Variants in STK10 observed in about 807,000 individuals in gnomAD.
STK10 encodes the protein serine/threonine kinase 10, also known as serine/threonine-protein kinase 10.
A neutral mutation model predicts 113.8 loss-of-function variants in STK10; 78 were observed. The observed-to-expected ratio is 0.69, with a 90% confidence interval of 0.57 to 0.83. STK10 has a LOEUF of 0.83. Ranked by LOEUF, STK10 falls within the 40% of genes least tolerant of loss-of-function variation. The probability of loss-of-function intolerance (pLI) is 0.00; values close to 1 mark genes in which losing one functional copy is unlikely to be tolerated. For synonymous variants in STK10, 465 were observed against 494.7 expected (o/e 0.94, Z 0.80); for missense variants, 1,109 against 1,280.1 (o/e 0.87, Z 2.04).
At chr5:172,107,596 T>A (rs1201614089) in intron 5 of STK10, among the ~76,000 whole-genome samples, 184 bp downstream of exon 5, 1 of 152,230 alleles carries the variant, frequency 6.6e-6, no homozygotes, top group African/African-American at 2.4e-5. Context: ...TCCCTAATTT[T>A]ATGGATGAAG....
At chr5:172,130,575 A>T (rs1288435602) in intron 2 of STK10, among the ~76,000 whole-genome samples, 1 of 151,604 alleles carries the variant, frequency 6.6e-6, no homozygotes, top group African/African-American at 2.4e-5. Context: ...TACACCGTGG[A>T]TATGTAACAA....
chr5:172,086,608 C>T (rs769487058), intron 10 of STK10, among the ~76,000 whole-genome samples: 4 of 152,180 alleles, frequency 2.6e-5, no homozygotes, highest in South Asian at 2.1e-4. Flanking sequence ...GTGATAAATG[C>T]TCAGCCACAT....
At chr5:172,061,421 A>G (rs777666676) in intron 13 of STK10, 153 bp from the exon 14 acceptor site, 3 of 1,072,556 alleles carry the variant, frequency 2.8e-6, no homozygotes, top group Non-Finnish European at 3.9e-6. Context: ...GGAGACTTAG[A>G]GACGCATCAA....
In STK10 at chr5:172,082,301, C is replaced by G; in HGVS notation, c.1989+25G>C. 1 of 1,499,400 alleles carries G rather than the reference C, an allele frequency of 6.7e-7. No homozygotes were observed. The highest frequency in any genetic ancestry group is 1.3e-5 in the South Asian group (1 of 74,124). The allele number at this position is 1,499,400 out of a possible 1,614,324, so 92.9% of individuals were successfully genotyped here. On this transcript the variant is annotated intron_variant, in intron 12 of 18. Transcript: ENST00000176763. The surrounding 1 kb of genome is among the most constrained non-coding windows in gnomAD (Gnocchi z 4.3). ...AGGCCCCTAATACTCCGAGATGCCC[C>G]TGCCCCCACTGAGCACATACTCACC...
At chr5:172,130,634 G>A (rs1158659906) in intron 2 of STK10, among the ~76,000 whole-genome samples, 1 of 152,128 alleles carries the variant, frequency 6.6e-6, no homozygotes, top group African/African-American at 2.4e-5. Context: ...CAGAGGAAAA[G>A]ATTGTAAACC....
intron 12 of STK10, among the ~76,000 whole-genome samples, chr5:172,075,999 C>G (rs1426668123): frequency 6.6e-6 from 1 of 151,592 alleles, no homozygotes; most frequent in Non-Finnish European, 1.5e-5. Context: ...TCTCTTCTTT[C>G]AATTCTTGGA....
At position 172,082,394 on chromosome 5, in the gene STK10, G is replaced by T. The variant is rs1007205465; in HGVS notation, c.1921C>A (p.Arg641=). The change falls in exon 12 of 19, where the codon CGG becomes AGG. Residue 641 remains arginine (R), a synonymous_variant. Transcript: ENST00000176763. This position sits in a 1 kb window ranked among gnomAD's most constrained non-coding sequence, Gnocchi z 4.3. The stretch of plus-strand genomic sequence containing the variant: ...TCCCGATCCTGCTCCAGGCGGATCC[G>T]CCTGGCCTCCTCCCGGCGGCGCACG... ...HAVRRREEAR[R]IRLEQDRDYT... is the part of the protein sequence containing the mutation. The T allele has an allele frequency of 1.2e-6, 2 of 1,608,176 alleles. No homozygotes were observed. Among genetic ancestry groups the T allele is most frequent in the African/African-American group, 2.7e-5 (2 of 74,484 alleles).
chr5:172,075,078 G>A (rs991788541), intron 12 of STK10, among the ~76,000 whole-genome samples: 1 of 151,774 alleles, frequency 6.6e-6, no homozygotes, highest in African/African-American at 2.4e-5. Flanking sequence ...CTACTTGGGA[G>A]GCTGAGGTGG....
chr5:172,089,906 T>C (rs1294096599), intron 10 of STK10, among the ~76,000 whole-genome samples: 1 of 151,220 alleles, frequency 6.6e-6, no homozygotes, highest in Non-Finnish European at 1.5e-5. Context: ...GATGGATGGA[T>C]GGAAAGTTGA....
At chr5:172,125,796 C>A (rs1025962973) in intron 3 of STK10, among the ~76,000 whole-genome samples, 1 of 152,068 alleles carries the variant, frequency 6.6e-6, no homozygotes, top group African/African-American at 2.4e-5. Flanking sequence ...GCCTATGAAG[C>A]GCCTTGAAGT....
At chr5:172,119,748 C>T (rs1312117636) in intron 3 of STK10, among the ~76,000 whole-genome samples, 1 of 145,388 alleles carries the variant, frequency 6.9e-6, no homozygotes, top group East Asian at 1.9e-4. Flanking sequence ...CCTGTAGTCC[C>T]AGCTACTCGG....
In STK10 at chr5:172,188,192, C is replaced by A. The variant is rs1161001818; in HGVS notation, c.-150G>T. On this transcript the variant is annotated 5_prime_UTR_variant, in exon 1 of 19. Coordinates refer to ENST00000176763, the MANE Select transcript of STK10 (RefSeq NM_005990.4). The surrounding 1 kb of genome is among the most constrained non-coding windows in gnomAD (Gnocchi z 5.6). ...CCTTTCCCCGCAGCCCGACCTCGGT[C>A]AAGTGTGCCCTGGGCAGCGCCGCGC... The A allele has an allele frequency of 7.4e-7, 1 of 1,350,708 alleles. No individual in the cohort carries two copies. The highest frequency in any genetic ancestry group is 2.7e-5 in the East Asian group (1 of 37,632). The allele number at this position is 1,350,708 out of a possible 1,614,324, so 83.7% of individuals were successfully genotyped here.
chr5:172,142,627 C>G (rs553417392), intron 2 of STK10, among the ~76,000 whole-genome samples: 5 of 152,272 alleles, frequency 3.3e-5, no homozygotes, highest in African/African-American at 1.2e-4. Flanking sequence ...AATGCCTGGA[C>G]CTCATAAGAT....
chr5:172,138,617 C>G (rs1769916473), intron 2 of STK10, among the ~76,000 whole-genome samples: 1 of 152,004 alleles, frequency 6.6e-6, no homozygotes, highest in African/African-American at 2.4e-5. Context: ...AATGAATATA[C>G]TTAGGAATGT....
chr5:172,099,517 G>A (rs954711792), intron 7 of STK10, among the ~76,000 whole-genome samples: 3 of 152,142 alleles, frequency 2.0e-5, no homozygotes, highest in Non-Finnish European at 4.4e-5. Flanking sequence ...CTTCAGCCTG[G>A]GTGACAAAGG....
rs1411567851 is a variant in STK10 at position 172,076,188 on chromosome 5, G to C, written c.1989+6138C>G. Among the ~76,000 whole-genome samples the C allele has an allele frequency of 9.3e-5, 13 of 139,676 alleles. No homozygotes were observed. The South Asian group carries it at 2.9e-3, about 31-fold the overall frequency. The allele number at this position is 139,676 out of a possible 152,430, so 91.6% of individuals were successfully genotyped here. A position where few individuals can be genotyped will look rare whatever the true frequency, so the allele number is the denominator to read the frequency against. On this transcript the variant is annotated intron_variant, in intron 12 of 18. Coordinates refer to ENST00000176763, the MANE Select transcript of STK10 (RefSeq NM_005990.4). ...GGGGGCTGTCCTGTGCGTTAGTTGT[G>C]GGGGCTGTCCTGTGCATTTGTTGTG... is the stretch of plus-strand genomic sequence containing the variant.
Position 172,188,150 on chromosome 5 carries a change from G to A in STK10, c.-108C>T. On this transcript the variant is annotated 5_prime_UTR_variant, in exon 1 of 19. Coordinates refer to ENST00000176763, the MANE Select transcript of STK10 (RefSeq NM_005990.4). The surrounding 1 kb of genome is among the most constrained non-coding windows in gnomAD (Gnocchi z 5.6). Reference sequence around the variant, plus strand: ...AGTTGGAGGACGCCGCGTCTCTCGGGGTTCTCCCCAGACCCGCCTTTCCCC... The same window carrying A: ...AGTTGGAGGACGCCGCGTCTCTCGGAGTTCTCCCCAGACCCGCCTTTCCCC... The A allele has an allele frequency of 1.3e-6, 2 of 1,485,684 alleles. No individual in the cohort carries two copies. Among genetic ancestry groups the A allele is most frequent in the Non-Finnish European group, 1.8e-6 (2 of 1,114,442 alleles). The allele number at this position is 1,485,684 out of a possible 1,614,324, so 92.0% of individuals were successfully genotyped here. A position where few individuals can be genotyped will look rare whatever the true frequency, so the allele number is the denominator to read the frequency against.
At chr5:172,050,581 C>T in intron 18 of STK10, among the ~76,000 whole-genome samples, 1 of 152,058 alleles carries the variant, frequency 6.6e-6, no homozygotes, top group East Asian at 1.9e-4. Context: ...TGAAAATGAA[C>T]AAACTGAGCT....
intron 12 of STK10, among the ~76,000 whole-genome samples, chr5:172,067,750 A>C (rs1768100065): frequency 6.6e-6 from 1 of 152,156 alleles, no homozygotes; most frequent in African/African-American, 2.4e-5. Context: ...TTGAAGACTG[A>C]TTAATAAAGA....
Sources: allele counts gnomAD v4.1 joint callset (sites outside exome capture counted in the v4.1 genomes callset), GRCh38; gene constraint gnomAD v4.1.1; non-coding constraint Gnocchi (gnomAD v3.1); transcripts MANE v1.5; gene names NCBI Gene and HGNC (gene_info 2026-07-23, HGNC 2026-07-21).